The following CHRDL1 variants were observed in gnomAD, a reference collection of about 807,000 sequenced individuals.
CHRDL1 encodes the protein chordin-like protein 1.
A neutral mutation model predicts 40.9 loss-of-function variants in CHRDL1; 19 were observed. The observed-to-expected ratio is 0.46, with a 90% confidence interval of 0.32 to 0.68. The LOEUF is 0.68. CHRDL1 is among the 30% of genes least tolerant of loss of function. The pLI is 0.03. For missense variants in CHRDL1, 329 were observed against 352.1 expected (o/e 0.93, Z 0.53); for synonymous variants, 136 against 123.4 (o/e 1.10, Z -0.68).
chrX:110,707,684 A>G (rs937394332), intron 6 of CHRDL1, among the ~76,000 whole-genome samples: 1 of 112,289 alleles, frequency 8.9e-6, no homozygotes, highest in Non-Finnish European at 1.9e-5. Context: ...CTAAAACCAT[A>G]AAAACCCTAG....
chrX:110,710,172 A>G (rs1448541165), intron 6 of CHRDL1, among the ~76,000 whole-genome samples: 3 of 111,988 alleles, frequency 2.7e-5, no homozygotes, highest in Non-Finnish European at 5.6e-5. Context: ...CTTCTCATGT[A>G]TCTTTTACCT....
chrX:110,725,069 C>T (rs933884288), intron 4 of CHRDL1, among the ~76,000 whole-genome samples: 8 of 111,834 alleles, frequency 7.2e-5, no homozygotes, highest in Non-Finnish European at 1.5e-4. Context: ...TAACCTCCCC[C>T]ATCTCTTCTG....
At chrX:110,676,482 G>T in intron 11 of CHRDL1, 121 bp from the exon 12 acceptor site, 1 of 605,888 alleles carries the variant, frequency 1.7e-6, no homozygotes, top group South Asian at 4.1e-5. Flanking sequence ...AGGGAATTTG[G>T]AATACAAATA....
At chrX:110,732,092 T>A (rs779686201) in intron 4 of CHRDL1, among the ~76,000 whole-genome samples, 14 of 110,449 alleles carry the variant, frequency 1.3e-4, no homozygotes, top group Non-Finnish European at 2.3e-4. Flanking sequence ...TGAAGGTGTT[T>A]TGTAGGTGAT....
intron 4 of CHRDL1, among the ~76,000 whole-genome samples, chrX:110,736,109 C>T (rs2071259357): frequency 8.9e-6 from 1 of 112,383 alleles, no homozygotes; most frequent in African/African-American, 3.2e-5. Flanking sequence ...GCAGTGGGAA[C>T]GCTGTTAGGA....
intron 8 of CHRDL1, among the ~76,000 whole-genome samples, chrX:110,692,103 T>A (rs1475054642): frequency 9.0e-6 from 1 of 111,392 alleles, no homozygotes; most frequent in African/African-American, 3.3e-5. Flanking sequence ...GACCACATTA[T>A]TAGCAAGAGA....
chrX:110,685,853 C>T (rs1246871702), intron 9 of CHRDL1, among the ~76,000 whole-genome samples: 1 of 101,097 alleles, frequency 9.9e-6, no homozygotes, highest in African/African-American at 3.6e-5. Context: ...TGGTTACTTT[C>T]TTAGGATTCC....
intron 7 of CHRDL1, among the ~76,000 whole-genome samples, chrX:110,698,197 C>G (rs920774001): frequency 9.0e-6 from 1 of 111,202 alleles, no homozygotes; most frequent in African/African-American, 3.3e-5. Context: ...GAAGTTGGGC[C>G]TGCAAAGGAT....
intron 2 of CHRDL1, among the ~76,000 whole-genome samples, chrX:110,787,495 T>C (rs1342401885): frequency 8.9e-6 from 1 of 112,596 alleles, no homozygotes; most frequent in East Asian, 2.8e-4. Context: ...ACTTCTAAGA[T>C]GTGAACAGGT....
At chrX:110,714,606 C>CCAA (rs982790660) in intron 6 of CHRDL1, among the ~76,000 whole-genome samples, 7 of 111,207 alleles carry the variant, frequency 6.3e-5, no homozygotes, top group Non-Finnish European at 1.3e-4. Flanking sequence ...ACACATTCTG[C>CCAA]CAACGCTCTC....
intron 4 of CHRDL1, among the ~76,000 whole-genome samples, chrX:110,743,101 C>T (rs1383442984): frequency 1.8e-5 from 2 of 112,807 alleles, no homozygotes; most frequent in Non-Finnish European, 3.7e-5. Context: ...AGTCACATTT[C>T]AAATGTTCAA....
chrX:110,777,555 G>A (rs975058284), intron 2 of CHRDL1, among the ~76,000 whole-genome samples: 2 of 111,597 alleles, frequency 1.8e-5, no homozygotes, highest in East Asian at 2.8e-4. Context: ...AATAATAGGT[G>A]TGTAGTGGTA....
At chrX:110,733,843 G>C (rs2071212745) in intron 4 of CHRDL1, among the ~76,000 whole-genome samples, 1 of 106,914 alleles carries the variant, frequency 9.4e-6, no homozygotes, top group Non-Finnish European at 1.9e-5. Context: ...AGGAGGCGGA[G>C]GTTGCATTGA....
Position 110,764,814 on chromosome X carries a change from G to A in CHRDL1, c.95-2007C>T, listed in dbSNP as rs145458137. On this transcript the variant is annotated intron_variant, in intron 2 of 11. Coordinates refer to ENST00000372042, the MANE Select transcript of CHRDL1 (RefSeq NM_001143981.2). The stretch of plus-strand genomic sequence containing the variant: ...GGAGGTCTATAAATGGCTGCTCTGG[G>A]AGTGTCTGTCTTATGTGGTTGAGAT... Among the ~76,000 whole-genome samples, 229 of 110,823 alleles carry A rather than the reference G, an allele frequency of 2.1e-3. 2 individuals carry two copies. The highest frequency in any genetic ancestry group is 0.017 in the Admixed American group (175 of 10,449).
chrX:110,690,472 G>C lies in CHRDL1; in HGVS notation c.779-1669C>G, dbSNP rs757328418. Among the ~76,000 whole-genome samples, 4 of 110,423 alleles carry C rather than the reference G, an allele frequency of 3.6e-5. No homozygotes were observed. The East Asian group carries it at 1.1e-3, about 31-fold the overall frequency. ...ATAGAAAATTTGTATGCCTCAAGTG[G>C]ATGTGCTTCCAGGCATGAAAATTTC... On this transcript the variant is annotated intron_variant, in intron 8 of 11. Transcript: ENST00000372042.
intron 6 of CHRDL1, among the ~76,000 whole-genome samples, chrX:110,713,544 G>T (rs765365592): frequency 4.5e-5 from 5 of 111,704 alleles, no homozygotes; most frequent in African/African-American, 1.6e-4. Flanking sequence ...CCCTGTACTA[G>T]GAGATATCCT....
At chrX:110,695,141 T>A (rs5942681) in intron 7 of CHRDL1, among the ~76,000 whole-genome samples, 49,219 of 109,586 alleles carry the variant, frequency 0.45, 9,209 homozygotes, top group African/African-American at 0.67. Context: ...TCGAGTATAG[T>A]CTTGATAAGA....
chrX:110,768,026 G>A (rs1602399768), intron 2 of CHRDL1, among the ~76,000 whole-genome samples: 1 of 112,013 alleles, frequency 8.9e-6, no homozygotes, highest in South Asian at 3.7e-4. Flanking sequence ...CTACTACTCC[G>A]TTACAATGAT....
chrX:110,731,768 T>C (rs1372836725), intron 4 of CHRDL1, among the ~76,000 whole-genome samples: 1 of 110,535 alleles, frequency 9.0e-6, no homozygotes, highest in Non-Finnish European at 1.9e-5. Flanking sequence ...GGCAAATCCA[T>C]AGAGAGAGAA....
Sources: allele counts gnomAD v4.1 joint callset (sites outside exome capture counted in the v4.1 genomes callset), GRCh38; gene constraint gnomAD v4.1.1; transcripts MANE v1.5; gene names NCBI Gene and HGNC (gene_info 2026-07-23, HGNC 2026-07-21).